Variants in PRUNE2 observed in about 807,000 individuals in gnomAD.
PRUNE2 encodes protein prune homolog 2.
PRUNE2 carries 164 observed loss-of-function variants against 252.0 expected under a neutral mutation model. That is an observed-to-expected ratio of 0.65 (90% CI 0.57 to 0.74). The LOEUF (loss-of-function observed/expected upper bound fraction) is 0.74, where lower values mean the gene tolerates loss of function less well. Among genes scored for constraint, PRUNE2 ranks in the 30% least tolerant of loss-of-function variants. The probability of loss-of-function intolerance (pLI) is 0.00; values close to 1 mark genes in which losing one functional copy is unlikely to be tolerated. For missense variants in PRUNE2, 3,495 were observed against 3,711.0 expected (o/e 0.94, Z 1.51); for synonymous variants, 1,292 against 1,350.2 (o/e 0.96, Z 0.94).
chr9:76,794,613 CAA>C (rs11358425), intron 6 of PRUNE2, among the ~76,000 whole-genome samples: 42 of 67,844 alleles, frequency 6.2e-4, no homozygotes, highest in African/African-American at 1.1e-3. Context: ...GACTCTGTCT[CAA>C]AAAAAAAAAA....
intron 9 of PRUNE2, among the ~76,000 whole-genome samples, chr9:76,682,233 A>C (rs1199391830): frequency 6.6e-6 from 1 of 151,854 alleles, no homozygotes; most frequent in African/African-American, 2.4e-5. Flanking sequence ...AGTCTTATTC[A>C]TTATAAAAAC....
chr9:76,665,032 T>TC (rs1245465229), intron 9 of PRUNE2, among the ~76,000 whole-genome samples: 1 of 152,178 alleles, frequency 6.6e-6, no homozygotes, highest in East Asian at 1.9e-4. Flanking sequence ...TCAAGTTCAT[T>TC]TTTTTCATGC....
chr9:76,722,224 A>AT (rs57390775), intron 6 of PRUNE2, among the ~76,000 whole-genome samples: 16,133 of 130,512 alleles, frequency 0.12, 1,057 homozygotes, highest in Non-Finnish European at 0.17. Context: ...ACACCCTGCT[A>AT]TTTTTTTTTT....
chr9:76,775,104 C>T (rs1936283), intron 6 of PRUNE2, among the ~76,000 whole-genome samples: 82,680 of 151,934 alleles, frequency 0.54, 24,140 homozygotes, highest in African/African-American at 0.76. Context: ...TAAGCTGAAC[C>T]GAATAGGACC....
intron 9 of PRUNE2, among the ~76,000 whole-genome samples, chr9:76,661,066 T>C (rs1851225634): frequency 1.3e-5 from 2 of 152,162 alleles, no homozygotes; most frequent in African/African-American, 4.8e-5. Flanking sequence ...TAAACCTTTG[T>C]TGTGTTAAAC....
chr9:76,687,559 A>C, intron 9 of PRUNE2: 1 of 288,070 alleles, frequency 3.5e-6, no homozygotes, highest in Non-Finnish European at 7.3e-6. Flanking sequence ...TTGTTCTAGT[A>C]ATCTGCCTAG....
At chr9:76,743,499 T>G (rs2049835733) in intron 6 of PRUNE2, among the ~76,000 whole-genome samples, 1 of 152,090 alleles carries the variant, frequency 6.6e-6, no homozygotes, top group Non-Finnish European at 1.5e-5. Flanking sequence ...GGGACAGTCA[T>G]GTCCCAACCA....
At chr9:76,870,059 G>T (rs1234487617) in intron 1 of PRUNE2, among the ~76,000 whole-genome samples, 1 of 152,072 alleles carries the variant, frequency 6.6e-6, no homozygotes, top group African/African-American at 2.4e-5. Context: ...TATAGTAGAA[G>T]AATATTTTGT....
intron 1 of PRUNE2, among the ~76,000 whole-genome samples, chr9:76,858,777 G>GA (rs72526767): frequency 2.1e-5 from 3 of 145,740 alleles, no homozygotes; most frequent in Admixed American, 6.8e-5. Flanking sequence ...AAAAAAGAAA[G>GA]AAAAAAAAAG....
intron 1 of PRUNE2, among the ~76,000 whole-genome samples, chr9:76,899,427 T>G (rs933637996): frequency 1.4e-4 from 21 of 152,220 alleles, no homozygotes; most frequent in African/African-American, 5.1e-4. Flanking sequence ...TTTAGTGTCC[T>G]TCACCTTCTT....
intron 4 of PRUNE2, among the ~76,000 whole-genome samples, 165 bp downstream of exon 4, chr9:76,846,350 T>C (rs1284994248): frequency 6.6e-6 from 1 of 152,234 alleles, no homozygotes; most frequent in African/African-American, 2.4e-5. Context: ...TTCAGTATAA[T>C]GCTACTCTTT....
chr9:76,752,046 C>T (rs895075290), intron 6 of PRUNE2, among the ~76,000 whole-genome samples: 1 of 151,546 alleles, frequency 6.6e-6, no homozygotes, highest in South Asian at 2.1e-4. Context: ...ATTAGATGGG[C>T]CTTAAAAGCT....
chr9:76,684,092 T>C (rs962855707), intron 9 of PRUNE2, among the ~76,000 whole-genome samples: 1 of 152,092 alleles, frequency 6.6e-6, no homozygotes, highest in Non-Finnish European at 1.5e-5. Flanking sequence ...TTTTTTGTGG[T>C]GAAAACATTT....
At position 76,707,793 on chromosome 9, in the gene PRUNE2, A is replaced by G. The variant is rs750276508; in HGVS notation, c.4481T>C (p.Val1494Ala). 6.2e-7 allele frequency: 1 copy of G among 1,613,372 alleles called. No homozygotes were observed. Among genetic ancestry groups the G allele is most frequent in the East Asian group, 2.2e-5 (1 of 44,878 alleles). Residue 1494 changes from valine (V) to alanine (A), a missense_variant, in exon 8 of 19, where the codon GTC becomes GCC. Val to Ala is a moderately conservative substitution (Grantham distance 64, BLOSUM62 0). Transcript: ENST00000376718. ...GACATGCACATCACTGTCTATAGGG[A>G]CGTCCCCAAAATCAAGACTTCGGGG... is the stretch of plus-strand genomic sequence containing the variant. ...RVPRSLDFGD[V>A]PIDSDVHVSS...
rs148411811 is a variant in PRUNE2, at chr9:76,812,536, C to T, written c.756+11096G>A. On this transcript the variant is annotated intron_variant, in intron 6 of 18. Coordinates refer to ENST00000376718, the MANE Select transcript of PRUNE2 (RefSeq NM_015225.3). ...TTTGCATTTTAAAAAAAACTATGAGCACTTCTACTACGATATCTCACAAAG... is the reference window on the plus strand; with the variant it reads ...TTTGCATTTTAAAAAAAACTATGAGTACTTCTACTACGATATCTCACAAAG... 7.1e-3 allele frequency among the ~76,000 whole-genome samples: 1,074 copies of T among 152,238 alleles called. 9 individuals are homozygous for T. Among genetic ancestry groups the T allele is most frequent in the Non-Finnish European group, 9.5e-3 (645 of 68,004 alleles).
intron 6 of PRUNE2, among the ~76,000 whole-genome samples, chr9:76,793,042 G>A (rs2055707644): frequency 6.6e-6 from 1 of 152,236 alleles, no homozygotes; most frequent in Admixed American, 6.5e-5. Context: ...CAAAGTTAAA[G>A]TGCCAGTATA....
intron 1 of PRUNE2, among the ~76,000 whole-genome samples, chr9:76,867,445 T>C (rs2060915361): frequency 6.6e-6 from 1 of 152,190 alleles, no homozygotes; most frequent in Non-Finnish European, 1.5e-5. Flanking sequence ...AGCTAGAATT[T>C]AAGGCTACAT....
At chr9:76,665,897 TATA>T (rs1476160572) in intron 9 of PRUNE2, among the ~76,000 whole-genome samples, 9 of 152,160 alleles carry the variant, frequency 5.9e-5, no homozygotes, top group Non-Finnish European at 1.3e-4. Context: ...GCTGTTTCAG[TATA>T]ATAAAATATA....
rs1010415631 is a variant in PRUNE2 at position 76,846,624 on chromosome 9, C to G, written c.399G>C (p.Gln133His). Residue 133 changes from glutamine to histidine, a missense_variant, in exon 4 of 19, where the codon CAG (glutamine) becomes CAC (histidine). Transcript: ENST00000376718. ...AVVKVINPVEQSDANVEFRES... is the reference protein window; with the variant it reads ...AVVKVINPVEHSDANVEFRES... ...CTCGGAACTCAACGTTGGCATCGCT[C>G]TGCTCAACCGGATTAATGACTTTGA... The G allele has an allele frequency of 3.1e-6, 5 of 1,614,104 alleles. No homozygotes were observed. The highest frequency in any genetic ancestry group is 1.6e-4 in the Middle Eastern group (1 of 6,062).
Sources: allele counts gnomAD v4.1 joint callset (sites outside exome capture counted in the v4.1 genomes callset), GRCh38; gene constraint gnomAD v4.1.1; transcripts MANE v1.5; gene names NCBI Gene and HGNC (gene_info 2026-07-23, HGNC 2026-07-21).